MYBPHL: variants seen among roughly 807,000 people sequenced by gnomAD.
MYBPHL encodes the protein myosin binding protein H like.
MYBPHL carries 32 observed loss-of-function variants against 39.5 expected under a neutral mutation model. The ratio of observed to expected loss-of-function variants is 0.81; its 90% CI spans 0.61 to 1.09. The LOEUF (loss-of-function observed/expected upper bound fraction) is 1.09, where lower values mean the gene tolerates loss of function less well. Among genes scored for constraint, MYBPHL ranks in the 50% least tolerant of loss-of-function variants. The pLI, the probability that MYBPHL is intolerant of heterozygous loss-of-function variation, is 0.00. For missense variants in MYBPHL, 456 were observed against 460.2 expected (o/e 0.99, Z 0.08); for synonymous variants, 196 against 183.7 (o/e 1.07, Z -0.54).
At chr1:109,298,364 A>G in intron 1 of MYBPHL, 107 bp from the exon 2 acceptor site, 3 of 959,794 alleles carry the variant, frequency 3.1e-6, no homozygotes, top group Non-Finnish European at 4.8e-6. Context: ...TCACCAAATT[A>G]AGCCCTTCTT....
intron 2 of MYBPHL, 29 bp from the exon 3 acceptor site, chr1:109,297,646 G>A (rs1299994813): frequency 6.3e-7 from 1 of 1,585,366 alleles, no homozygotes; most frequent in Non-Finnish European, 8.6e-7. Context: ...GCTTTGAGCA[G>A]CCCCGAGAGG....
chr1:109,303,761 C>G (rs981831612), intron 1 of MYBPHL, among the ~76,000 whole-genome samples: 1 of 152,190 alleles, frequency 6.6e-6, no homozygotes, highest in African/African-American at 2.4e-5. Context: ...ACTCCCAGTC[C>G]CTGCACTGGC....
intron 1 of MYBPHL, among the ~76,000 whole-genome samples, chr1:109,299,004 T>C (rs1658186991): frequency 6.6e-6 from 1 of 152,170 alleles, no homozygotes; most frequent in African/African-American, 2.4e-5. Context: ...AGACAGGAAA[T>C]GCTTGGAAAA....
At chr1:109,303,141 T>C (rs1458939445) in intron 1 of MYBPHL, among the ~76,000 whole-genome samples, 2 of 152,212 alleles carry the variant, frequency 1.3e-5, no homozygotes, top group East Asian at 3.8e-4. Context: ...TGAGACCTGT[T>C]TCATTCACTA....
chr1:109,297,337 T>A (rs1291527670), intron 3 of MYBPHL, 85 bp downstream of exon 3: 1 of 1,556,414 alleles, frequency 6.4e-7, no homozygotes, highest in Non-Finnish European at 8.7e-7. Flanking sequence ...TTGCCGCAGC[T>A]TCCCCAGCTC....
chr1:109,295,359 T>G, intron 6 of MYBPHL, 62 bp from the exon 7 acceptor site: 6 of 1,474,886 alleles, frequency 4.1e-6, no homozygotes, highest in Non-Finnish European at 5.6e-6. Context: ...ATAGTCTTTC[T>G]GTGCTCAGTT....
At chr1:109,300,832 C>T (rs1356352452) in intron 1 of MYBPHL, among the ~76,000 whole-genome samples, 2 of 152,162 alleles carry the variant, frequency 1.3e-5, no homozygotes, top group African/African-American at 4.8e-5. Flanking sequence ...TGCCGGTTCT[C>T]TGCTTATCAG....
At chr1:109,304,540 C>G (rs930565557) in intron 1 of MYBPHL, among the ~76,000 whole-genome samples, 1 of 152,162 alleles carries the variant, frequency 6.6e-6, no homozygotes, top group Non-Finnish European at 1.5e-5. Context: ...TCCAGGAGAG[C>G]TCCACTTCCG....
At chr1:109,297,987 CT>C (rs1658145583) in intron 2 of MYBPHL, among the ~76,000 whole-genome samples, 181 bp downstream of exon 2, 1 of 152,238 alleles carries the variant, frequency 6.6e-6, no homozygotes, top group African/African-American at 2.4e-5. Context: ...ACACCCAGTC[CT>C]ATCCAAACCC....
Position 109,296,265 on chromosome 1 carries a change from T to G in MYBPHL, c.836A>C (p.Gln279Pro). 1.2e-6 allele frequency: 2 copies of G among 1,613,766 alleles called. No individual in the cohort carries two copies. The highest frequency in any genetic ancestry group is 8.5e-7 in the Non-Finnish European group (1 of 1,179,946). The change falls in exon 6 of 9, where the codon CAG becomes CCG. Residue 279 changes from glutamine to proline, a missense_variant. Physicochemically the swap from Gln to Pro is moderately conservative, Grantham distance 76. Transcript: ENST00000357155. ...DCTTVTGYNT[Q>P]LFCCVRASPR... ...AGAGGCGCGGACACAGCAGAAGAGC[T>G]GGGTATTATAGCCGGTGACTGTAGT... is the stretch of plus-strand genomic sequence containing the variant.
At chr1:109,304,595 G>A (rs1281139368) in intron 1 of MYBPHL, among the ~76,000 whole-genome samples, 1 of 152,176 alleles carries the variant, frequency 6.6e-6, no homozygotes, top group East Asian at 1.9e-4. Flanking sequence ...TGGGAGCAGT[G>A]GGGGATTGGA....
chr1:109,295,861 A>G (rs1658039381), intron 6 of MYBPHL, among the ~76,000 whole-genome samples: 1 of 152,206 alleles, frequency 6.6e-6, no homozygotes, highest in South Asian at 2.1e-4. Context: ...GGGTTGTGGC[A>G]AAAGGCTGAA....
chr1:109,306,188 G>A (rs1658461829), intron 1 of MYBPHL, among the ~76,000 whole-genome samples: 1 of 152,232 alleles, frequency 6.6e-6, no homozygotes, highest in Admixed American at 6.5e-5. Context: ...GGCATTCAGG[G>A]ATGGGCGGCA....
chr1:109,297,758 C>A (rs982214887), intron 2 of MYBPHL, 141 bp from the exon 3 acceptor site: 4 of 722,032 alleles, frequency 5.5e-6, no homozygotes, highest in Non-Finnish European at 8.9e-6. Flanking sequence ...GTTGGTGGAC[C>A]CTCCCGGGGG....
chr1:109,298,033 C>T (rs1658146766), intron 2 of MYBPHL, 136 bp downstream of exon 2: 2 of 737,956 alleles, frequency 2.7e-6, no homozygotes, highest in Non-Finnish European at 4.4e-6. Context: ...TGGCCTCAGA[C>T]TTCTGGTGGT....
intron 1 of MYBPHL, among the ~76,000 whole-genome samples, chr1:109,301,034 G>C (rs1036334522): frequency 6.6e-6 from 1 of 152,212 alleles, no homozygotes; most frequent in African/African-American, 2.4e-5. Context: ...CAGTCAGCAG[G>C]TCAGCAGCAT....
chr1:109,296,419 T>G lies in MYBPHL; in HGVS notation c.731-49A>C, dbSNP rs764741547. Reference sequence around the variant, plus strand: ...CATGTAGCTTCTGAGATCCCAGCCCTCGTCGACTCTTTATCCTTAGTATTT... The same window carrying G: ...CATGTAGCTTCTGAGATCCCAGCCCGCGTCGACTCTTTATCCTTAGTATTT... On this transcript the variant is annotated intron_variant, in intron 5 of 8. Transcript: ENST00000357155. 33 of 1,594,946 alleles carry G rather than the reference T, an allele frequency of 2.1e-5. No individual in the cohort carries two copies. In the African/African-American group the frequency reaches 4.2e-4, roughly 20 times the overall value.
At chr1:109,293,924 C>T (rs1657960050) in intron 8 of MYBPHL, among the ~76,000 whole-genome samples, 1 of 151,862 alleles carries the variant, frequency 6.6e-6, no homozygotes, top group Non-Finnish European at 1.5e-5. Context: ...ATTAGCCGGG[C>T]ATGGTGGCGG....
chr1:109,299,852 G>A (rs1259806687), intron 1 of MYBPHL, among the ~76,000 whole-genome samples: 2 of 152,216 alleles, frequency 1.3e-5, no homozygotes, highest in African/African-American at 4.8e-5. Context: ...TGGTGGCTTG[G>A]GAGGGGCGGG....
Sources: gnomAD v4.1 joint callset for allele counts (sites outside exome capture counted in the v4.1 genomes callset) on GRCh38, gnomAD v4.1.1 for gene constraint, MANE v1.5 for transcripts, NCBI Gene and HGNC (gene_info 2026-07-23, HGNC 2026-07-21) for gene names.